MAD1L1: variants seen among roughly 807,000 people sequenced by gnomAD.
MAD1L1 encodes mitotic arrest deficient 1 like 1.
Under a neutral mutation model 96.9 loss-of-function variants are expected in MAD1L1, and 95 were observed. The ratio of observed to expected loss-of-function variants is 0.98; its 90% CI spans 0.83 to 1.16. MAD1L1 has a LOEUF of 1.16. Among genes scored for constraint, MAD1L1 ranks in the 50% most tolerant of loss-of-function variants. MAD1L1 has a pLI of 0.00. For missense variants in MAD1L1, 1,007 were observed against 954.4 expected (o/e 1.06, Z -0.73); for synonymous variants, 473 against 396.6 (o/e 1.19, Z -2.29).
Position 1,816,236 on chromosome 7 carries a change from G to A in MAD1L1, c.1999-8C>T, listed in dbSNP as rs1402029488. 11 of 1,610,698 alleles carry A rather than the reference G, an allele frequency of 6.8e-6. No individual in the cohort carries two copies. Among genetic ancestry groups the A allele is most frequent in the Middle Eastern group, 1.8e-4 (1 of 5,646 alleles). On this transcript the variant is annotated splice_region_variant and splice_polypyrimidine_tract_variant and intron_variant, in intron 18 of 18. Coordinates refer to ENST00000265854, the MANE Select transcript of MAD1L1 (RefSeq NM_001013836.2). ...ACCCGAGGGGCTGGTGGCCTGCGGG[G>A]CAGTCAAGAAAGAGACAAGACAGCG...
At chr7:1,820,604 A>C (rs927857395) in intron 18 of MAD1L1, among the ~76,000 whole-genome samples, 1 of 151,908 alleles carries the variant, frequency 6.6e-6, no homozygotes, top group Non-Finnish European at 1.5e-5. Flanking sequence ...CCATCCCTAT[A>C]ATCAATCAGC....
rs535588997 is a variant in MAD1L1 at position 2,197,213 on chromosome 7, G to A, written c.986+15999C>T. Among the ~76,000 whole-genome samples the A allele has an allele frequency of 5.9e-5, 9 of 152,322 alleles. No individual in the cohort carries two copies. The South Asian group carries it at 6.2e-4, about 11-fold the overall frequency. ...CACGCAGCATCTGGCCAACCTGTGT[G>A]CTGCCAGCACCCACCCTATCTGGAA... On this transcript the variant is annotated intron_variant, in intron 10 of 18. Coordinates refer to ENST00000265854, the MANE Select transcript of MAD1L1 (RefSeq NM_001013836.2).
chr7:2,027,654 A>G (rs556516415), intron 12 of MAD1L1, among the ~76,000 whole-genome samples: 1 of 152,254 alleles, frequency 6.6e-6, no homozygotes, highest in African/African-American at 2.4e-5. Flanking sequence ...ACATCTATTC[A>G]CGATAAAAAC....
chr7:1,831,704 G>A (rs1378818665), intron 18 of MAD1L1, among the ~76,000 whole-genome samples: 1 of 152,210 alleles, frequency 6.6e-6, no homozygotes, highest in Non-Finnish European at 1.5e-5. Flanking sequence ...CAGGCTTACT[G>A]CTAATATGGA....
At chr7:1,887,341 G>A (rs986818207) in intron 18 of MAD1L1, among the ~76,000 whole-genome samples, 2 of 151,858 alleles carry the variant, frequency 1.3e-5, no homozygotes, top group South Asian at 2.1e-4. Flanking sequence ...GGCTGCCTGT[G>A]TACGTGTGAG....
intron 18 of MAD1L1, among the ~76,000 whole-genome samples, chr7:1,882,088 C>A (rs1008639933): frequency 6.6e-6 from 1 of 152,170 alleles, no homozygotes; most frequent in Non-Finnish European, 1.5e-5. Context: ...GTTCACCATG[C>A]ACATCCACCA....
chr7:2,232,472 G>A (rs531685826), intron 1 of MAD1L1, among the ~76,000 whole-genome samples: 2 of 152,360 alleles, frequency 1.3e-5, no homozygotes, highest in South Asian at 2.1e-4. Context: ...TTCTCCACCA[G>A]GCGCCAGCTC....
At chr7:2,019,663 C>T (rs1782695439) in intron 12 of MAD1L1, among the ~76,000 whole-genome samples, 1 of 151,554 alleles carries the variant, frequency 6.6e-6, no homozygotes, top group African/African-American at 2.4e-5. Flanking sequence ...GCCCCAGCCA[C>T]CCCCCACACA....
intron 11 of MAD1L1, among the ~76,000 whole-genome samples, chr7:2,126,480 T>TC (rs1483542456): frequency 6.6e-6 from 1 of 151,510 alleles, no homozygotes; most frequent in Non-Finnish European, 1.5e-5. Context: ...GGAGCTATCT[T>TC]CCCCCCTCAG....
intron 4 of MAD1L1, chr7:2,223,671 G>C (rs1316858425): frequency 6.6e-6 from 1 of 152,290 alleles, no homozygotes. Context: ...TGAGCTGCAA[G>C]GGCTGCCTCA....
intron 11 of MAD1L1, among the ~76,000 whole-genome samples, chr7:2,096,498 C>T (rs1305800606): frequency 6.6e-6 from 1 of 152,122 alleles, no homozygotes; most frequent in Non-Finnish European, 1.5e-5. Context: ...TTGTTAGCTG[C>T]CTTCATGGGA....
chr7:1,971,258 C>T (rs928884570), intron 15 of MAD1L1, among the ~76,000 whole-genome samples: 9 of 152,342 alleles, frequency 5.9e-5, no homozygotes, highest in African/African-American at 1.7e-4. Flanking sequence ...GGGCTGTTGC[C>T]GTCACCAGTA....
chr7:1,828,126 T>TC (rs1415877979), intron 18 of MAD1L1, among the ~76,000 whole-genome samples: 1 of 151,646 alleles, frequency 6.6e-6, no homozygotes, highest in Admixed American at 6.6e-5. Flanking sequence ...ATGCCTATTT[T>TC]CCCACCTCAG....
chr7:1,877,922 A>T (rs969510571), intron 18 of MAD1L1, among the ~76,000 whole-genome samples: 1 of 152,168 alleles, frequency 6.6e-6, no homozygotes, highest in African/African-American at 2.4e-5. Context: ...GGAGAGAGAT[A>T]AAAAAATCGA....
chr7:1,990,549 T>C (rs974926208), intron 14 of MAD1L1, among the ~76,000 whole-genome samples: 22 of 152,210 alleles, frequency 1.4e-4, no homozygotes, highest in African/African-American at 5.3e-4. Flanking sequence ...TGGGAAATGC[T>C]TTCTCCTCAG....
intron 10 of MAD1L1, among the ~76,000 whole-genome samples, chr7:2,202,761 G>A (rs1214692416): frequency 1.3e-5 from 2 of 152,168 alleles, no homozygotes; most frequent in East Asian, 1.9e-4. Flanking sequence ...TACAAATCAC[G>A]CGCACGGTAA....
chr7:2,184,533 G>A (rs540741984), intron 10 of MAD1L1, among the ~76,000 whole-genome samples: 2 of 152,274 alleles, frequency 1.3e-5, no homozygotes, highest in East Asian at 3.9e-4. Flanking sequence ...CTCATTAAAA[G>A]GCCCAGCAAT....
At chr7:1,916,851 G>A (rs1162761722) in intron 17 of MAD1L1, among the ~76,000 whole-genome samples, 5 of 152,046 alleles carry the variant, frequency 3.3e-5, no homozygotes, top group South Asian at 4.2e-4. Context: ...TACCAGGCAC[G>A]ACCCTGGCGC....
At chr7:2,008,980 A>G (rs1177723361) in intron 13 of MAD1L1, among the ~76,000 whole-genome samples, 2 of 152,186 alleles carry the variant, frequency 1.3e-5, no homozygotes, top group African/African-American at 2.4e-5. Flanking sequence ...GGGTTTCATC[A>G]CATGGCGGGA....
Sources: allele counts gnomAD v4.1 joint callset (sites outside exome capture counted in the v4.1 genomes callset), GRCh38; gene constraint gnomAD v4.1.1; transcripts MANE v1.5; gene names NCBI Gene and HGNC (gene_info 2026-07-23, HGNC 2026-07-21).